The following DCDC1 variants were observed in gnomAD, a reference collection of about 807,000 sequenced individuals.
DCDC1 encodes doublecortin domain containing 1.
Under a neutral mutation model 178.3 loss-of-function variants are expected in DCDC1, and 200 were observed. The observed-to-expected ratio is 1.12, with a 90% confidence interval of 1.00 to 1.26. DCDC1 has a LOEUF of 1.26. DCDC1 is among the 50% of genes most tolerant of loss of function. The probability of loss-of-function intolerance (pLI) is 0.00; values close to 1 mark genes in which losing one functional copy is unlikely to be tolerated. For synonymous variants in DCDC1, 690 were observed against 604.8 expected (o/e 1.14, Z -2.07); for missense variants, 1,983 against 1,749.2 (o/e 1.13, Z -2.38).
Position 31,260,177 on chromosome 11 carries a change from A to T in DCDC1, c.1054+5330T>A, listed in dbSNP as rs1328180298. On this transcript the variant is annotated intron_variant, in intron 8 of 38. Transcript: ENST00000684477. Reference sequence around the variant, plus strand: ...CTGGCTGATACTGGGAAGAATAAAAATTAGGACTTTGATTTCTTTGCACTT... The same window carrying T: ...CTGGCTGATACTGGGAAGAATAAAATTTAGGACTTTGATTTCTTTGCACTT... 2.0e-5 allele frequency among the ~76,000 whole-genome samples: 3 copies of T among 152,312 alleles called. No individual in the cohort carries two copies. In the East Asian group the frequency reaches 5.8e-4, roughly 29 times the overall value.
In DCDC1 at chr11:31,155,719, G is replaced by A. The variant is rs567781382; in HGVS notation, c.1222-17935C>T. Reference sequence around the variant, plus strand: ...ATTTGGAGGGAAACTACCCTAGGCTGGAGGCCACACCAGTAAATGCTCCCA... The same window carrying A: ...ATTTGGAGGGAAACTACCCTAGGCTAGAGGCCACACCAGTAAATGCTCCCA... On this transcript the variant is annotated intron_variant, in intron 9 of 38. Transcript: ENST00000684477. Among the ~76,000 whole-genome samples the A allele has an allele frequency of 4.7e-4, 72 of 152,282 alleles. No individual in the cohort carries two copies. The South Asian group carries it at 0.013, about 28-fold the overall frequency.
chr11:31,357,101 T>C (rs1025712760), intron 1 of DCDC1, among the ~76,000 whole-genome samples: 1 of 152,050 alleles, frequency 6.6e-6, no homozygotes, highest in Non-Finnish European at 1.5e-5. Flanking sequence ...GGCAGCATCA[T>C]CCTGATACCA....
chr11:31,306,015 A>G (rs1948431740), intron 5 of DCDC1, among the ~76,000 whole-genome samples: 1 of 152,110 alleles, frequency 6.6e-6, no homozygotes, highest in African/African-American at 2.4e-5. Context: ...TCTACAAGGT[A>G]TTGTAGAGTT....
At chr11:31,315,364 C>T (rs538047026) in intron 3 of DCDC1, among the ~76,000 whole-genome samples, 2 of 116,020 alleles carry the variant, frequency 1.7e-5, no homozygotes, top group Admixed American at 2.5e-4. Flanking sequence ...GTCACCCAGG[C>T]TGGAGTACAG....
At chr11:31,040,885 C>T (rs1954401053) in intron 20 of DCDC1, among the ~76,000 whole-genome samples, 1 of 152,136 alleles carries the variant, frequency 6.6e-6, no homozygotes, top group African/African-American at 2.4e-5. Context: ...AGTTGCAACT[C>T]CTCTGGGGTT....
chr11:31,272,664 A>G (rs1945654978), intron 7 of DCDC1, among the ~76,000 whole-genome samples: 1 of 152,164 alleles, frequency 6.6e-6, no homozygotes. Flanking sequence ...AAAACTCCAA[A>G]ATGATCTCCT....
At chr11:31,158,968 A>C (rs1405925636) in intron 9 of DCDC1, among the ~76,000 whole-genome samples, 5 of 152,146 alleles carry the variant, frequency 3.3e-5, no homozygotes, top group African/African-American at 9.7e-5. Flanking sequence ...AAAATATACC[A>C]ACAAAAAACA....
rs991451758 is a variant in DCDC1 at position 31,000,908 on chromosome 11, T to C, written c.2592-48340A>G. Among the ~76,000 whole-genome samples, 16 of 152,172 alleles carry C rather than the reference T, an allele frequency of 1.1e-4. 1 individual carries two copies. The highest frequency in any genetic ancestry group is 7.9e-4 in the Admixed American group (12 of 15,274). On this transcript the variant is annotated intron_variant, in intron 20 of 38. Transcript: ENST00000684477. ...CCCTTCACCCAGATTCAATCACATATAATTATATATACATGTATATACAAA... is the reference window on the plus strand; with the variant it reads ...CCCTTCACCCAGATTCAATCACATACAATTATATATACATGTATATACAAA...
intron 20 of DCDC1, among the ~76,000 whole-genome samples, chr11:31,031,417 C>T (rs1953627093): frequency 6.6e-6 from 1 of 152,046 alleles, no homozygotes; most frequent in South Asian, 2.1e-4. Context: ...AGAATTAACA[C>T]AGTCTAATTT....
intron 8 of DCDC1, chr11:31,241,827 G>C: frequency 3.0e-6 from 1 of 330,806 alleles, no homozygotes; most frequent in Non-Finnish European, 5.4e-6. Context: ...AGACTCATAA[G>C]CTTTGTGAGC....
chr11:30,946,901 C>T (rs1948088501), intron 21 of DCDC1, among the ~76,000 whole-genome samples: 1 of 152,112 alleles, frequency 6.6e-6, no homozygotes, highest in African/African-American at 2.4e-5. Flanking sequence ...ACACATATTC[C>T]AAAGGTCAGC....
At position 31,277,658 on chromosome 11, in the gene DCDC1, C is replaced by T. The variant is rs544990158; in HGVS notation, c.961-12058G>A. ...CTCCATGGATTTAATTGCATTTCCT[C>T]GATGATTAATAATACTGAGCATCTT... On this transcript the variant is annotated intron_variant, in intron 7 of 38. Transcript: ENST00000684477. Among the ~76,000 whole-genome samples the T allele has an allele frequency of 2.7e-4, 41 of 152,086 alleles. 1 individual carries two copies. In the South Asian group the frequency reaches 6.2e-3, roughly 23 times the overall value.
At chr11:31,237,576 C>A (rs1006410105) in intron 9 of DCDC1, among the ~76,000 whole-genome samples, 1 of 151,918 alleles carries the variant, frequency 6.6e-6, no homozygotes, top group African/African-American at 2.4e-5. Flanking sequence ...TAAACCTCAA[C>A]AAACTTTATT....
chr11:31,109,583 C>G (rs780862892), intron 12 of DCDC1, among the ~76,000 whole-genome samples: 1 of 152,182 alleles, frequency 6.6e-6, no homozygotes, highest in Non-Finnish European at 1.5e-5. Context: ...TGGATACCAC[C>G]AGGAGAGGTA....
intron 8 of DCDC1, among the ~76,000 whole-genome samples, chr11:31,251,681 A>G (rs1035793650): frequency 1.1e-4 from 16 of 152,050 alleles, no homozygotes; most frequent in African/African-American, 3.6e-4. Context: ...TAAGAAATAC[A>G]CCACCCTAGA....
intron 8 of DCDC1, chr11:31,263,129 CT>C: frequency 6.4e-7 from 1 of 1,571,098 alleles, no homozygotes; most frequent in Admixed American, 1.7e-5. Context: ...AATAAACTTT[CT>C]AAATATAAAT....
At chr11:31,213,832 T>C (rs1973175302) in intron 9 of DCDC1, among the ~76,000 whole-genome samples, 1 of 151,828 alleles carries the variant, frequency 6.6e-6, no homozygotes, top group Non-Finnish European at 1.5e-5. Flanking sequence ...CGACTATTAC[T>C]TGTTTAAAAA....
chr11:31,354,187 G>A (rs1388682433), intron 1 of DCDC1, among the ~76,000 whole-genome samples: 1 of 152,166 alleles, frequency 6.6e-6, no homozygotes, highest in Non-Finnish European at 1.5e-5. Context: ...TCAGGAGGCT[G>A]AGGCAGGAGA....
rs113763519 is a variant in DCDC1, at chr11:30,935,893, G to C, written c.2716-3941C>G. ...CATTTTTCTCAGAGTTAACTTTAAG[G>C]GTTCCTCAGGTGACCCATGCACTGG... On this transcript the variant is annotated intron_variant, in intron 21 of 38. Coordinates refer to ENST00000684477, the MANE Select transcript of DCDC1 (RefSeq NM_001387274.1). Among the ~76,000 whole-genome samples the C allele has an allele frequency of 5.8e-3, 889 of 152,176 alleles. 12 individuals are homozygous for C. The highest frequency in any genetic ancestry group is 0.02 in the African/African-American group (846 of 41,538).
Sources: allele counts gnomAD v4.1 joint callset (sites outside exome capture counted in the v4.1 genomes callset), GRCh38; gene constraint gnomAD v4.1.1; transcripts MANE v1.5; gene names NCBI Gene and HGNC (gene_info 2026-07-23, HGNC 2026-07-21).